The following UNC5C variants were observed in gnomAD, a reference collection of about 807,000 sequenced individuals.
UNC5C encodes unc-5 netrin receptor C.
A neutral mutation model predicts 99.8 loss-of-function variants in UNC5C; 47 were observed. The observed-to-expected ratio is 0.47, with a 90% confidence interval of 0.37 to 0.60. UNC5C has a LOEUF of 0.60. Ranked by LOEUF, UNC5C falls within the 20% of genes least tolerant of loss-of-function variation. The pLI is 0.00. For synonymous variants in UNC5C, 487 were observed against 452.2 expected (o/e 1.08, Z -0.98); for missense variants, 1,062 against 1,165.9 (o/e 0.91, Z 1.30).
At chr4:95,303,360 A>ACT (rs1741943248) in intron 2 of UNC5C, among the ~76,000 whole-genome samples, 1 of 152,070 alleles carries the variant, frequency 6.6e-6, no homozygotes, top group African/African-American at 2.4e-5. Flanking sequence ...TTTCAGAACT[A>ACT]CTCACATCTA....
intron 5 of UNC5C, among the ~76,000 whole-genome samples, chr4:95,250,060 T>C (rs3775003): frequency 0.72 from 109,508 of 152,116 alleles, 41,041 homozygotes; most frequent in African/African-American, 0.93. Flanking sequence ...AGAGGGCTTA[T>C]AGAAGCAGCA....
At chr4:95,360,135 C>A (rs371263835) in intron 1 of UNC5C, among the ~76,000 whole-genome samples, 2 of 152,050 alleles carry the variant, frequency 1.3e-5, no homozygotes, top group South Asian at 4.1e-4. Flanking sequence ...TAGGTCTAAA[C>A]GAGAAATATA....
At chr4:95,499,525 T>C (rs1353641175) in intron 1 of UNC5C, among the ~76,000 whole-genome samples, 1 of 152,120 alleles carries the variant, frequency 6.6e-6, no homozygotes, top group Non-Finnish European at 1.5e-5. Flanking sequence ...CTCACTCCCA[T>C]GCACTTTTCA....
chr4:95,507,408 C>G (rs1416776810), intron 1 of UNC5C, among the ~76,000 whole-genome samples: 1 of 151,996 alleles, frequency 6.6e-6, no homozygotes, highest in East Asian at 1.9e-4. Flanking sequence ...AACTGCCACC[C>G]CTCTTCCTGG....
intron 1 of UNC5C, among the ~76,000 whole-genome samples, chr4:95,389,550 T>G (rs1745299407): frequency 1.3e-5 from 2 of 152,128 alleles, no homozygotes; most frequent in South Asian, 4.1e-4. Flanking sequence ...ACTTATTAAC[T>G]GAATTTTTAA....
intron 2 of UNC5C, among the ~76,000 whole-genome samples, chr4:95,319,241 T>C (rs1468114222): frequency 6.6e-6 from 1 of 152,170 alleles, no homozygotes; most frequent in African/African-American, 2.4e-5. Context: ...AATTAAATTA[T>C]TATCTCTGGG....
chr4:95,196,228 T>C (rs749830759), intron 12 of UNC5C, among the ~76,000 whole-genome samples: 9 of 152,158 alleles, frequency 5.9e-5, no homozygotes, highest in Non-Finnish European at 1.2e-4. Flanking sequence ...TCATTGCAAA[T>C]AATGAAAGGA....
chr4:95,283,730 G>A (rs374523412), intron 3 of UNC5C, among the ~76,000 whole-genome samples: 2 of 152,202 alleles, frequency 1.3e-5, no homozygotes, highest in African/African-American at 4.8e-5. Context: ...AAAAAAAGAC[G>A]AAGTTCTGCC....
intron 1 of UNC5C, among the ~76,000 whole-genome samples, chr4:95,498,134 A>G (rs1284654618): frequency 6.6e-6 from 1 of 151,990 alleles, no homozygotes; most frequent in Non-Finnish European, 1.5e-5. Flanking sequence ...CCAAACATCT[A>G]TCATGGACCC....
chr4:95,467,131 G>A (rs112610618), intron 1 of UNC5C, among the ~76,000 whole-genome samples: 2,252 of 152,232 alleles, frequency 0.015, 42 homozygotes, highest in African/African-American at 0.052. Context: ...GATGGCTCTG[G>A]CCCCTGCTGA....
At position 95,301,754 on chromosome 4, in the gene UNC5C, CAA is replaced by C. The variant is rs753606691; in HGVS notation, c.347-7_347-6del. Reference sequence around the variant, plus strand: ...TCACTTCCCGGACAATGAGACCTGACAAGAGAAAAAGAAAGATTTAAGTCAAC... The same window carrying C: ...TCACTTCCCGGACAATGAGACCTGACGAGAAAAAGAAAGATTTAAGTCAAC... On this transcript the variant is annotated splice_region_variant and splice_polypyrimidine_tract_variant and intron_variant, in intron 2 of 15. Coordinates refer to ENST00000453304, the MANE Select transcript of UNC5C (RefSeq NM_003728.4). The C allele has an allele frequency of 1.9e-6, 3 of 1,611,846 alleles. No homozygotes were observed. The Admixed American group carries it at 5.0e-5, about 27-fold the overall frequency.
At chr4:95,382,420 C>T (rs1036846769) in intron 1 of UNC5C, among the ~76,000 whole-genome samples, 1 of 150,106 alleles carries the variant, frequency 6.7e-6, no homozygotes, top group Non-Finnish European at 1.5e-5. Context: ...GACTGTACCA[C>T]TGCACTCCAG....
At chr4:95,236,835 C>T (rs1739137235) in intron 7 of UNC5C, among the ~76,000 whole-genome samples, 1 of 151,962 alleles carries the variant, frequency 6.6e-6, no homozygotes, top group African/African-American at 2.4e-5. Flanking sequence ...GTTACTTAAC[C>T]ATCATCCTAA....
At chr4:95,292,754 G>A (rs1741525228) in intron 3 of UNC5C, among the ~76,000 whole-genome samples, 1 of 152,142 alleles carries the variant, frequency 6.6e-6, no homozygotes, top group Non-Finnish European at 1.5e-5. Flanking sequence ...ATGAACAAAT[G>A]ATTCACATTG....
At chr4:95,220,624 A>C (rs1490140871) in intron 7 of UNC5C, among the ~76,000 whole-genome samples, 2 of 152,212 alleles carry the variant, frequency 1.3e-5, no homozygotes, top group Non-Finnish European at 2.9e-5. Context: ...ATATTTTCCT[A>C]AGTATCACTC....
At chr4:95,370,582 G>A (rs868526639) in intron 1 of UNC5C, among the ~76,000 whole-genome samples, 18 of 152,274 alleles carry the variant, frequency 1.2e-4, no homozygotes, top group African/African-American at 4.3e-4. Context: ...TACATGAAAA[G>A]AAAGGTTTAT....
intron 1 of UNC5C, among the ~76,000 whole-genome samples, chr4:95,536,918 A>G (rs961744540): frequency 2.6e-5 from 4 of 152,162 alleles, no homozygotes; most frequent in Admixed American, 6.6e-5. Flanking sequence ...AAATCACTCA[A>G]AATAAGCTTT....
intron 2 of UNC5C, among the ~76,000 whole-genome samples, chr4:95,311,989 G>A (rs1342581438): frequency 4.0e-5 from 6 of 151,822 alleles, no homozygotes; most frequent in Non-Finnish European, 7.3e-5. Context: ...TGACCTTATG[G>A]TGAGCTATGA....
intron 1 of UNC5C, among the ~76,000 whole-genome samples, chr4:95,499,833 G>A (rs191772583): frequency 6.6e-6 from 1 of 152,134 alleles, no homozygotes; most frequent in Admixed American, 6.6e-5. Context: ...GCACTGGGGA[G>A]GAAAAGATAG....
Sources: gnomAD v4.1 joint callset for allele counts (sites outside exome capture counted in the v4.1 genomes callset) on GRCh38, gnomAD v4.1.1 for gene constraint, MANE v1.5 for transcripts, NCBI Gene and HGNC (gene_info 2026-07-23, HGNC 2026-07-21) for gene names.